The following L3MBTL4 variants were observed in gnomAD, a reference collection of about 807,000 sequenced individuals.
L3MBTL4 encodes L3MBTL histone methyl-lysine binding protein 4.
Under a neutral mutation model 84.5 loss-of-function variants are expected in L3MBTL4, and 70 were observed. That is an observed-to-expected ratio of 0.83 (90% CI 0.68 to 1.01). The LOEUF is 1.01. Ranked by LOEUF, L3MBTL4 falls within the 50% of genes least tolerant of loss-of-function variation. L3MBTL4 has a pLI of 0.00. For missense variants in L3MBTL4, 715 were observed against 754.8 expected, an observed-to-expected ratio of 0.95 and a Z score of 0.62; for synonymous variants, 274 against 259.8, an observed-to-expected ratio of 1.05 and a Z score of -0.52.
At chr18:6,051,407 C>T (rs1489456191) in intron 16 of L3MBTL4, among the ~76,000 whole-genome samples, 2 of 152,180 alleles carry the variant, frequency 1.3e-5, no homozygotes, top group South Asian at 2.1e-4. Flanking sequence ...GGCATGATGG[C>T]GCATGCCTGT....
intron 14 of L3MBTL4, among the ~76,000 whole-genome samples, chr18:6,129,366 C>CTGTGTGTGTGTGTGTG (rs761956097): frequency 7.2e-4 from 100 of 139,164 alleles, no homozygotes; most frequent in South Asian, 4.0e-3. Context: ...CTGGAATTCT[C>CTGTGTGTGTGTGTGTG]TCTGTGTGTG....
At chr18:6,216,747 A>C (rs1266180236) in intron 10 of L3MBTL4, among the ~76,000 whole-genome samples, 2 of 152,140 alleles carry the variant, frequency 1.3e-5, no homozygotes, top group African/African-American at 4.8e-5. Context: ...ACCAATTATA[A>C]TTGTAATCTG....
chr18:6,331,389 C>T (rs767981138), intron 1 of L3MBTL4, among the ~76,000 whole-genome samples: 1 of 152,110 alleles, frequency 6.6e-6, no homozygotes, highest in Non-Finnish European at 1.5e-5. Context: ...TTCCCCCTAC[C>T]CAGCAATGCA....
intron 16 of L3MBTL4, among the ~76,000 whole-genome samples, chr18:6,018,749 C>T (rs1049640041): frequency 1.3e-5 from 2 of 152,178 alleles, no homozygotes; most frequent in Non-Finnish European, 2.9e-5. Context: ...TAGGAACTGT[C>T]AAACCAATGA....
chr18:6,125,219 G>A (rs1028842418), intron 14 of L3MBTL4, among the ~76,000 whole-genome samples: 1 of 151,316 alleles, frequency 6.6e-6, no homozygotes, highest in African/African-American at 2.4e-5. Flanking sequence ...GGAAAGGAAG[G>A]TCCCCTCCTT....
intron 1 of L3MBTL4, among the ~76,000 whole-genome samples, chr18:6,364,557 A>G (rs1267865592): frequency 6.6e-6 from 1 of 152,122 alleles, no homozygotes; most frequent in East Asian, 1.9e-4. Context: ...CCGAAGTAAA[A>G]GAGTCACTGG....
chr18:6,148,008 A>T (rs2042727419), intron 13 of L3MBTL4, among the ~76,000 whole-genome samples: 1 of 152,192 alleles, frequency 6.6e-6, no homozygotes, highest in Admixed American at 6.6e-5. Flanking sequence ...GGGAGATCAG[A>T]GGTTTGATGG....
At chr18:6,154,231 T>C (rs1440656465) in intron 13 of L3MBTL4, among the ~76,000 whole-genome samples, 4 of 152,198 alleles carry the variant, frequency 2.6e-5, no homozygotes, top group Non-Finnish European at 5.9e-5. Flanking sequence ...TATTCACATC[T>C]CTTAATATTT....
At chr18:6,223,733 T>G (rs1174020226) in intron 10 of L3MBTL4, among the ~76,000 whole-genome samples, 1 of 152,192 alleles carries the variant, frequency 6.6e-6, no homozygotes, top group Non-Finnish European at 1.5e-5. Context: ...GTAGAAATGA[T>G]GTAATAAGCT....
intron 4 of L3MBTL4, among the ~76,000 whole-genome samples, chr18:6,271,540 A>T (rs2048870356): frequency 6.6e-6 from 1 of 152,216 alleles, no homozygotes; most frequent in Admixed American, 6.5e-5. Flanking sequence ...ACGCGGAGGA[A>T]AGTGTGAGTC....
intron 1 of L3MBTL4, chr18:6,395,551 C>G (rs181609333): frequency 6.6e-6 from 1 of 152,128 alleles, no homozygotes; most frequent in Non-Finnish European, 1.5e-5. Context: ...AAATACCCAA[C>G]TTACTGTTCT....
chr18:6,021,180 T>C (rs1362252897), intron 16 of L3MBTL4, among the ~76,000 whole-genome samples: 1 of 152,154 alleles, frequency 6.6e-6, no homozygotes, highest in Non-Finnish European at 1.5e-5. Context: ...AATGAGGTGC[T>C]CAGTGGGCAC....
intron 12 of L3MBTL4, among the ~76,000 whole-genome samples, chr18:6,209,083 C>T (rs943367917): frequency 3.9e-5 from 6 of 152,022 alleles, no homozygotes; most frequent in African/African-American, 9.7e-5. Context: ...AGGGCAATTG[C>T]GAAAACATAG....
intron 1 of L3MBTL4, among the ~76,000 whole-genome samples, chr18:6,356,453 G>A (rs2053449913): frequency 6.6e-6 from 1 of 152,170 alleles, no homozygotes; most frequent in Non-Finnish European, 1.5e-5. Context: ...CTTAACAACA[G>A]GATTTGTTCT....
chr18:6,382,109 T>G (rs2054615780), intron 1 of L3MBTL4, among the ~76,000 whole-genome samples: 1 of 152,226 alleles, frequency 6.6e-6, no homozygotes, highest in African/African-American at 2.4e-5. Context: ...ATCCTTTTTC[T>G]ACTTGATCAA....
chr18:6,315,503 G>A (rs1157063600), intron 1 of L3MBTL4, among the ~76,000 whole-genome samples: 1 of 152,190 alleles, frequency 6.6e-6, no homozygotes, highest in East Asian at 1.9e-4. Context: ...CCGACAATAT[G>A]TGTACCACTG....
At chr18:6,290,402 G>C (rs977195142) in intron 4 of L3MBTL4, among the ~76,000 whole-genome samples, 2 of 151,732 alleles carry the variant, frequency 1.3e-5, no homozygotes, top group African/African-American at 2.4e-5. Flanking sequence ...CAAAAACTAA[G>C]CTTTAAAAGA....
intron 13 of L3MBTL4, among the ~76,000 whole-genome samples, chr18:6,163,259 TGGGG>T (rs71163263): frequency 0.012 from 714 of 57,382 alleles, 12 homozygotes; most frequent in Middle Eastern, 0.08. Flanking sequence ...TGTGTGTGTG[TGGGG>T]GGGGGGTGGG....
intron 16 of L3MBTL4, among the ~76,000 whole-genome samples, chr18:6,007,200 CAT>C (rs1184587369): frequency 6.6e-6 from 1 of 151,930 alleles, no homozygotes; most frequent in Non-Finnish European, 1.5e-5. Context: ...ATTTGCGACT[CAT>C]ATCACGGAGA....
Sources: allele counts gnomAD v4.1 joint callset (sites outside exome capture counted in the v4.1 genomes callset), GRCh38; gene constraint gnomAD v4.1.1; transcripts MANE v1.5; gene names NCBI Gene and HGNC (gene_info 2026-07-23, HGNC 2026-07-21).